The following ADGRL3 variants were observed in gnomAD, a reference collection of about 807,000 sequenced individuals.
The protein encoded by ADGRL3 is calcium-independent alpha-latrotoxin receptor 3.
ADGRL3 carries 62 observed loss-of-function variants against 153.5 expected under a neutral mutation model. The observed-to-expected ratio is 0.40, with a 90% CI of 0.33 to 0.50. ADGRL3 has a LOEUF of 0.50. ADGRL3 is among the 20% of genes least tolerant of loss of function. The probability of loss-of-function intolerance (pLI) is 0.47; values close to 1 mark genes in which losing one functional copy is unlikely to be tolerated. For missense variants in ADGRL3, 1,641 were observed against 1,859.4 expected (o/e 0.88, Z 2.16); for synonymous variants, 710 against 672.5 (o/e 1.06, Z -0.86).
At chr4:61,954,831 T>A (rs1218108971) in intron 17 of ADGRL3, among the ~76,000 whole-genome samples, 1 of 152,100 alleles carries the variant, frequency 6.6e-6, no homozygotes, top group Non-Finnish European at 1.5e-5. Flanking sequence ...CTATTTAAAA[T>A]TTTAGATTGC....
intron 2 of ADGRL3, among the ~76,000 whole-genome samples, chr4:61,384,641 A>G (rs1468004095): frequency 6.6e-6 from 1 of 152,042 alleles, no homozygotes; most frequent in Non-Finnish European, 1.5e-5. Flanking sequence ...TGCAAATAAC[A>G]TAGGCAAAAT....
At chr4:61,805,236 C>T (rs1006079871) in intron 8 of ADGRL3, among the ~76,000 whole-genome samples, 3 of 152,152 alleles carry the variant, frequency 2.0e-5, no homozygotes, top group Non-Finnish European at 4.4e-5. Context: ...GCCACCGCGC[C>T]TGGCCTGTTT....
intron 5 of ADGRL3, among the ~76,000 whole-genome samples, chr4:61,640,494 AT>A (rs2093616189): frequency 6.6e-6 from 1 of 152,174 alleles, no homozygotes; most frequent in African/African-American, 2.4e-5. Flanking sequence ...TTCCCACTAT[AT>A]GATCTTGTAG....
intron 4 of ADGRL3, among the ~76,000 whole-genome samples, chr4:61,547,150 G>A (rs905603778): frequency 1.4e-4 from 21 of 151,852 alleles, no homozygotes; most frequent in Non-Finnish European, 2.8e-4. Flanking sequence ...TAAATTTAAT[G>A]TACATTTCTG....
At chr4:61,379,832 T>C (rs1480162533) in intron 1 of ADGRL3, among the ~76,000 whole-genome samples, 1 of 152,064 alleles carries the variant, frequency 6.6e-6, no homozygotes, top group Non-Finnish European at 1.5e-5. Flanking sequence ...ATGATCATTT[T>C]CTAAAATATT....
chr4:61,398,109 T>C (rs751314338), intron 2 of ADGRL3, among the ~76,000 whole-genome samples: 28 of 152,050 alleles, frequency 1.8e-4, no homozygotes, highest in Non-Finnish European at 4.0e-4. Context: ...AACAAAATCA[T>C]TGAACAATGT....
intron 18 of ADGRL3, among the ~76,000 whole-genome samples, chr4:61,980,400 A>C (rs1037913743): frequency 5.1e-5 from 7 of 137,884 alleles, no homozygotes; most frequent in Non-Finnish European, 1.1e-4. Flanking sequence ...TAGCTTTTCC[A>C]GATTGGCATC....
intron 8 of ADGRL3, among the ~76,000 whole-genome samples, chr4:61,734,318 T>C (rs1304355331): frequency 6.6e-6 from 1 of 152,160 alleles, no homozygotes; most frequent in East Asian, 1.9e-4. Context: ...GCTAGTGTGT[T>C]ATGTTAGTCC....
intron 21 of ADGRL3, among the ~76,000 whole-genome samples, chr4:62,007,934 A>G (rs565846439): frequency 1.3e-5 from 2 of 152,188 alleles, no homozygotes; most frequent in Non-Finnish European, 2.9e-5. Flanking sequence ...TGGATTGAGG[A>G]GTAGCCAGTG....
chr4:61,830,016 T>A (rs1367292356), intron 9 of ADGRL3, among the ~76,000 whole-genome samples: 16 of 145,332 alleles, frequency 1.1e-4, no homozygotes, highest in Non-Finnish European at 2.0e-4. Flanking sequence ...AAAAAAAAAA[T>A]TTTTTTTTTT....
intron 6 of ADGRL3, among the ~76,000 whole-genome samples, chr4:61,687,509 AT>A (rs1203651371): frequency 1.3e-5 from 2 of 152,044 alleles, no homozygotes; most frequent in African/African-American, 4.8e-5. Context: ...CTAATACATT[AT>A]TTTTAAAATA....
chr4:61,361,086 A>G (rs1184506851), intron 1 of ADGRL3, among the ~76,000 whole-genome samples: 9 of 152,186 alleles, frequency 5.9e-5, no homozygotes, highest in African/African-American at 2.2e-4. Flanking sequence ...TCCTAGCCCC[A>G]GTGTTGTTCT....
At chr4:61,659,898 A>AG (rs1491159111) in intron 5 of ADGRL3, among the ~76,000 whole-genome samples, 1 of 4,998 alleles carries the variant, frequency 2.0e-4, no homozygotes, top group African/African-American at 3.5e-4. Context: ...TGAAGATTAC[A>AG]AAAAAAAAAA....
chr4:61,986,399 T>C (rs987303659), intron 19 of ADGRL3, among the ~76,000 whole-genome samples: 2 of 152,182 alleles, frequency 1.3e-5, no homozygotes, highest in Non-Finnish European at 2.9e-5. Flanking sequence ...GTCATTTACT[T>C]TGAGACAGAT....
chr4:61,982,324 G>A (rs903434728), intron 18 of ADGRL3, among the ~76,000 whole-genome samples: 1 of 152,158 alleles, frequency 6.6e-6, no homozygotes, highest in African/African-American at 2.4e-5. Flanking sequence ...CCTTGCTAGC[G>A]AGGTATCCTT....
intron 2 of ADGRL3, among the ~76,000 whole-genome samples, chr4:61,446,480 T>TA (rs2152495914): frequency 6.6e-6 from 1 of 152,334 alleles, no homozygotes; most frequent in Admixed American, 6.5e-5. Flanking sequence ...TTGAGGGAGA[T>TA]ACATTTGTAA....
intron 3 of ADGRL3, among the ~76,000 whole-genome samples, chr4:61,501,194 A>G (rs907566282): frequency 8.5e-5 from 13 of 152,224 alleles, no homozygotes; most frequent in African/African-American, 3.1e-4. Context: ...TACAAGCCAG[A>G]AAACTGCTAG....
chr4:61,960,444 C>T (rs1020654745), intron 17 of ADGRL3, among the ~76,000 whole-genome samples: 1 of 152,028 alleles, frequency 6.6e-6, no homozygotes, highest in African/African-American at 2.4e-5. Context: ...CAGAACAGGC[C>T]GGAGGGTCTA....
chr4:61,351,887 G>T (rs2096059258), intron 1 of ADGRL3, among the ~76,000 whole-genome samples: 1 of 152,154 alleles, frequency 6.6e-6, no homozygotes, highest in South Asian at 2.1e-4. Context: ...CATCCATTCT[G>T]CAGCCCAAGG....
Sources: gnomAD v4.1 joint callset for allele counts (sites outside exome capture counted in the v4.1 genomes callset) on GRCh38, gnomAD v4.1.1 for gene constraint, MANE v1.5 for transcripts, NCBI Gene and HGNC (gene_info 2026-07-23, HGNC 2026-07-21) for gene names.